RHOBTB1: variants seen among roughly 807,000 people sequenced by gnomAD.
RHOBTB1 encodes Rho related BTB domain containing 1.
In RHOBTB1, 40 loss-of-function variants were observed where a neutral mutation model predicts 71.6. The observed-to-expected ratio is 0.56, with a 90% CI of 0.43 to 0.73. The LOEUF is 0.73. Among genes scored for constraint, RHOBTB1 ranks in the 30% least tolerant of loss-of-function variants. RHOBTB1 has a pLI of 0.00. For synonymous variants in RHOBTB1, 319 were observed against 334.9 expected (o/e 0.95, Z 0.52); for missense variants, 797 against 894.0 (o/e 0.89, Z 1.38).
chr10:60,889,106 T>C lies in RHOBTB1; in HGVS notation c.562A>G (p.Thr188Ala). The C allele has an allele frequency of 3.1e-6, 5 of 1,614,206 alleles. No individual in the cohort carries two copies. Among genetic ancestry groups the C allele is most frequent in the Non-Finnish European group, 4.2e-6 (5 of 1,180,018 alleles). ...ATACCAAACTGGTCAAACACGCTTG[T>C]TTCATAGTATGGTAAGCCAAGTTCC... ...AKELGLPYYETSVFDQFGIKD... is the reference protein window; with the variant it reads ...AKELGLPYYEASVFDQFGIKD... The change falls in exon 6 of 11, where the codon ACA becomes GCA. Residue 188 changes from threonine to alanine, a missense_variant. Physicochemically the swap from Thr to Ala is moderately conservative, Grantham distance 58. Coordinates refer to ENST00000337910, the MANE Select transcript of RHOBTB1 (RefSeq NM_014836.5).
intron 2 of RHOBTB1, among the ~76,000 whole-genome samples, chr10:60,955,277 G>A (rs562074496): frequency 5.4e-4 from 82 of 151,980 alleles, no homozygotes; most frequent in African/African-American, 1.9e-3. Flanking sequence ...TCCTGATCTC[G>A]TGATCCGCCT....
chr10:60,873,223 G>A (rs1475817485), intron 9 of RHOBTB1, among the ~76,000 whole-genome samples: 1 of 152,230 alleles, frequency 6.6e-6, no homozygotes, highest in East Asian at 1.9e-4. Flanking sequence ...CTGGGGCAGT[G>A]TTCTGCCAGG....
At chr10:60,972,073 G>A (rs1009507900) in intron 2 of RHOBTB1, among the ~76,000 whole-genome samples, 5 of 152,074 alleles carry the variant, frequency 3.3e-5, no homozygotes, top group African/African-American at 1.2e-4. Flanking sequence ...AAATAGGAAT[G>A]CTTTTACATT....
intron 7 of RHOBTB1, among the ~76,000 whole-genome samples, chr10:60,880,042 G>T (rs1177033755): frequency 6.6e-6 from 1 of 152,092 alleles, no homozygotes; most frequent in Non-Finnish European, 1.5e-5. Context: ...ATAAGTTAAA[G>T]TATACAGGAG....
At chr10:60,913,108 G>A (rs1316255108) in intron 2 of RHOBTB1, among the ~76,000 whole-genome samples, 12 of 152,148 alleles carry the variant, frequency 7.9e-5, no homozygotes. Context: ...GAGATTAAGG[G>A]CATTGACAAG....
chr10:60,984,580 T>C (rs1212199006), intron 2 of RHOBTB1, among the ~76,000 whole-genome samples: 2 of 152,278 alleles, frequency 1.3e-5, no homozygotes, highest in East Asian at 1.9e-4. Flanking sequence ...AGCAATTACT[T>C]TGGGGACTAA....
intron 2 of RHOBTB1, among the ~76,000 whole-genome samples, chr10:60,925,293 AT>A (rs777563892): frequency 5.3e-5 from 8 of 152,344 alleles, no homozygotes; most frequent in Middle Eastern, 3.4e-3. Context: ...GTATTTCTTT[AT>A]AGCAATGCAA....
downstream of RHOBTB1, among the ~76,000 whole-genome samples, chr10:60,868,559 A>G (rs147332740): frequency 6.6e-6 from 1 of 152,340 alleles, no homozygotes; most frequent in African/African-American, 2.4e-5. Flanking sequence ...AGCATGAAAA[A>G]ATCTCTTAGA....
chr10:60,862,611 C>T, the RHOBTB1 span, among the ~76,000 whole-genome samples: 3 of 142,096 alleles, frequency 2.1e-5, no homozygotes, highest in Non-Finnish European at 4.6e-5. Context: ...CTCTCCTTCC[C>T]TTTCCTTCCT....
intron 2 of RHOBTB1, among the ~76,000 whole-genome samples, chr10:60,936,493 A>C (rs2084591016): frequency 6.6e-6 from 1 of 152,238 alleles, no homozygotes; most frequent in Non-Finnish European, 1.5e-5. Flanking sequence ...CACCGCCTAC[A>C]TCCCTCCTAT....
chr10:60,865,595 C>A (rs147316228), downstream of RHOBTB1, among the ~76,000 whole-genome samples: 8 of 152,320 alleles, frequency 5.3e-5, no homozygotes, highest in African/African-American at 1.7e-4. Context: ...TAACAACTTT[C>A]ACAATCAGGG....
rs544842719 is a variant in RHOBTB1, at chr10:60,883,771, G to A, written c.1575+2341C>T. On this transcript the variant is annotated intron_variant, in intron 7 of 10. Transcript: ENST00000337910. The stretch of plus-strand genomic sequence containing the variant: ...TGAATGCTTCTGAACTGCTTTGCAA[G>A]TAATGACTCTTACACCCCACAACCA... Among the ~76,000 whole-genome samples the A allele has an allele frequency of 1.8e-4, 27 of 152,298 alleles. No individual in the cohort carries two copies. The South Asian group carries it at 5.4e-3, about 30-fold the overall frequency.
intron 2 of RHOBTB1, among the ~76,000 whole-genome samples, chr10:60,981,511 A>G (rs894272214): frequency 1.3e-5 from 2 of 152,222 alleles, no homozygotes; most frequent in Non-Finnish European, 2.9e-5. Flanking sequence ...AAACTCTTGC[A>G]TTAACCAAGA....
At chr10:60,893,118 G>A in intron 4 of RHOBTB1, 123 bp from the exon 5 acceptor site, 5 of 677,444 alleles carry the variant, frequency 7.4e-6, no homozygotes, top group East Asian at 5.7e-5. Flanking sequence ...AAAAAAAAAA[G>A]ACCAGATATT....
chr10:60,975,837 C>A (rs2086296591), intron 2 of RHOBTB1, among the ~76,000 whole-genome samples: 1 of 151,978 alleles, frequency 6.6e-6, no homozygotes, highest in African/African-American at 2.4e-5. Context: ...TCTGAGATTA[C>A]AAAACTGAGA....
intron 2 of RHOBTB1, among the ~76,000 whole-genome samples, chr10:60,951,659 A>C (rs2085411606): frequency 1.3e-5 from 2 of 152,198 alleles, no homozygotes; most frequent in Non-Finnish European, 2.9e-5. Flanking sequence ...ATCTTAGAAG[A>C]GCTTGAAGAT....
intron 1 of RHOBTB1, among the ~76,000 whole-genome samples, chr10:60,994,128 A>G (rs1469352101): frequency 6.6e-6 from 1 of 152,150 alleles, no homozygotes. Flanking sequence ...CCTGATCTTT[A>G]TTAATTCAAC....
At chr10:60,986,402 A>AAGAT (rs1270907277) in intron 1 of RHOBTB1, among the ~76,000 whole-genome samples, 2 of 69,140 alleles carry the variant, frequency 2.9e-5, no homozygotes, top group Admixed American at 1.4e-4. Flanking sequence ...ATATAAATAA[A>AAGAT]AGATATATAT....
intron 4 of RHOBTB1, among the ~76,000 whole-genome samples, chr10:60,905,167 C>T (rs61853331): frequency 3.3e-5 from 5 of 150,356 alleles, no homozygotes; most frequent in African/African-American, 1.2e-4. Flanking sequence ...AAAAAAAATT[C>T]AGGCTGGGCA....
Sources: allele counts gnomAD v4.1 joint callset (sites outside exome capture counted in the v4.1 genomes callset), GRCh38; gene constraint gnomAD v4.1.1; transcripts MANE v1.5; gene names NCBI Gene and HGNC (gene_info 2026-07-23, HGNC 2026-07-21).